The following ARHGEF26 variants were observed in gnomAD, a reference collection of about 807,000 sequenced individuals.
ARHGEF26 encodes the protein Rho guanine nucleotide exchange factor 26, also known as Rho guanine nucleotide exchange factor (GEF) 26.
ARHGEF26 carries 59 observed loss-of-function variants against 89.4 expected under a neutral mutation model. The ratio of observed to expected loss-of-function variants is 0.66; its 90% CI spans 0.54 to 0.82. ARHGEF26 has a LOEUF of 0.82. Ranked by LOEUF, ARHGEF26 falls within the 40% of genes least tolerant of loss-of-function variation. ARHGEF26 has a pLI of 0.00. For synonymous variants in ARHGEF26, 500 were observed against 428.4 expected (o/e 1.17, Z -2.06); for missense variants, 1,234 against 1,085.6 (o/e 1.14, Z -1.92).
chr3:154,188,768 T>C, intron 7 of ARHGEF26, among the ~76,000 whole-genome samples: 1 of 152,156 alleles, frequency 6.6e-6, no homozygotes, highest in Non-Finnish European at 1.5e-5. Context: ...AGTCAAAGCC[T>C]CTAAGCTGAT....
intron 13 of ARHGEF26, 68 bp from the exon 14 acceptor site, chr3:154,254,652 T>C: frequency 1.7e-6 from 2 of 1,211,418 alleles, no homozygotes; most frequent in South Asian, 1.3e-5. Context: ...TAAGTAAGTG[T>C]ACATTATTGG....
chr3:154,122,078 T>G lies in ARHGEF26; in HGVS notation c.86T>G (p.Val29Gly), dbSNP rs200926651. ...RRRSIPQPHQVLGRSKPRPQS... is the reference protein window; with the variant it reads ...RRRSIPQPHQGLGRSKPRPQS... ...CGGTCGATTCCTCAGCCCCACCAGG[T>G]TCTGGGCCGGAGCAAGCCGAGGCCC... Residue 29 changes from valine (V) to glycine (G), a missense_variant, in exon 2 of 15, where the codon GTT (valine) becomes GGT (glycine). Coordinates refer to ENST00000465093, the MANE Select transcript of ARHGEF26 (RefSeq NM_015595.4). 1.5e-3 allele frequency: 2,346 copies of G among 1,612,422 alleles called. 31 individuals carry two copies. In the African/African-American group the frequency reaches 0.026, roughly 18 times the overall value.
chr3:154,153,978 G>A (rs1187049411), intron 6 of ARHGEF26, among the ~76,000 whole-genome samples: 2 of 151,836 alleles, frequency 1.3e-5, no homozygotes, highest in African/African-American at 2.4e-5. Context: ...TTCCCATGAG[G>A]CACATAATTT....
At chr3:154,217,189 A>G (rs1320066105) in intron 9 of ARHGEF26, among the ~76,000 whole-genome samples, 2 of 150,122 alleles carry the variant, frequency 1.3e-5, no homozygotes, top group African/African-American at 2.4e-5. Context: ...CATCCTCTCC[A>G]GCACCTGTTG....
At position 154,246,489 on chromosome 3, in the gene ARHGEF26, G is replaced by C. The variant is rs566223603; in HGVS notation, c.2300+5910G>C. ...ACATTTCTGAGGCATCAAAACTTGTGATTATTTTAACAATTAATTTATTTT... is the reference window on the plus strand; with the variant it reads ...ACATTTCTGAGGCATCAAAACTTGTCATTATTTTAACAATTAATTTATTTT... On this transcript the variant is annotated intron_variant, in intron 12 of 14. Transcript: ENST00000465093. Among the ~76,000 whole-genome samples, 5 of 152,252 alleles carry C rather than the reference G, an allele frequency of 3.3e-5. No individual in the cohort carries two copies. In the East Asian group the frequency reaches 9.7e-4, roughly 29 times the overall value.
At chr3:154,205,651 T>G (rs1299610969) in intron 9 of ARHGEF26, among the ~76,000 whole-genome samples, 1 of 152,186 alleles carries the variant, frequency 6.6e-6, no homozygotes, top group African/African-American at 2.4e-5. Context: ...TTTTTGCTTT[T>G]TATTTTTTGT....
chr3:154,201,136 A>T (rs1198416013), intron 9 of ARHGEF26, among the ~76,000 whole-genome samples: 1 of 151,800 alleles, frequency 6.6e-6, no homozygotes, highest in Non-Finnish European at 1.5e-5. Context: ...TTTATCTCCT[A>T]ATGCTATCCC....
At chr3:154,145,535 T>G (rs773746036) in intron 4 of ARHGEF26, among the ~76,000 whole-genome samples, 1 of 152,188 alleles carries the variant, frequency 6.6e-6, no homozygotes, top group African/African-American at 2.4e-5. Flanking sequence ...CTAATGTAAT[T>G]TTTAACTGGC....
At chr3:154,142,732 A>G (rs922649523) in intron 4 of ARHGEF26, among the ~76,000 whole-genome samples, 2 of 152,242 alleles carry the variant, frequency 1.3e-5, no homozygotes, top group Admixed American at 6.5e-5. Context: ...AGAGAGGAAC[A>G]TCAGACCTGT....
At chr3:154,204,425 C>T (rs1423373078) in intron 9 of ARHGEF26, among the ~76,000 whole-genome samples, 1 of 149,244 alleles carries the variant, frequency 6.7e-6, no homozygotes, top group Admixed American at 6.7e-5. Context: ...ACCTCCGCCT[C>T]CTGAGTACAG....
intron 4 of ARHGEF26, among the ~76,000 whole-genome samples, chr3:154,141,214 C>G (rs1180049399): frequency 2.6e-5 from 4 of 152,134 alleles, no homozygotes; most frequent in African/African-American, 9.7e-5. Context: ...TTCCGCCCGC[C>G]TCGGCCTCCC....
intron 6 of ARHGEF26, among the ~76,000 whole-genome samples, chr3:154,167,038 T>C (rs1239383004): frequency 6.6e-6 from 1 of 152,186 alleles, no homozygotes; most frequent in Non-Finnish European, 1.5e-5. Flanking sequence ...TATAATTTTT[T>C]AAAATCTTTG....
chr3:154,185,031 T>C (rs1293605390), intron 6 of ARHGEF26, among the ~76,000 whole-genome samples: 1 of 152,160 alleles, frequency 6.6e-6, no homozygotes, highest in African/African-American at 2.4e-5. Flanking sequence ...CATGTCATCC[T>C]TCGCACTGAT....
chr3:154,135,703 A>G (rs921709267), intron 4 of ARHGEF26, among the ~76,000 whole-genome samples: 2 of 152,198 alleles, frequency 1.3e-5, no homozygotes, highest in Non-Finnish European at 2.9e-5. Flanking sequence ...TTAGTCAGGG[A>G]TGGAACACTG....
chr3:154,181,365 CCTT>C (rs1713172644), intron 6 of ARHGEF26, among the ~76,000 whole-genome samples: 1 of 152,080 alleles, frequency 6.6e-6, no homozygotes, highest in African/African-American at 2.4e-5. Flanking sequence ...GTGAATATGA[CCTT>C]CTCTGGTAGG....
At chr3:154,243,899 T>C (rs1717630934) in intron 12 of ARHGEF26, among the ~76,000 whole-genome samples, 1 of 152,376 alleles carries the variant, frequency 6.6e-6, no homozygotes, top group Non-Finnish European at 1.5e-5. Flanking sequence ...AATTGTTACA[T>C]GCCATGTTTG....
intron 11 of ARHGEF26, among the ~76,000 whole-genome samples, chr3:154,226,973 C>T (rs974807419): frequency 6.6e-6 from 1 of 152,148 alleles, no homozygotes; most frequent in Non-Finnish European, 1.5e-5. Context: ...CCAAATGTAT[C>T]AGGCATATTT....
intron 11 of ARHGEF26, among the ~76,000 whole-genome samples, chr3:154,227,112 T>C (rs1372441298): frequency 6.6e-6 from 1 of 152,154 alleles, no homozygotes; most frequent in Non-Finnish European, 1.5e-5. Flanking sequence ...TGAGTGGCTG[T>C]CTAGCTGAAA....
rs1451428399 is a variant in ARHGEF26, at chr3:154,213,214, A to AGTGT, written c.1846-4654_1846-4653insTGTG. Among the ~76,000 whole-genome samples the AGTGT allele has an allele frequency of 6.8e-4, 92 of 136,042 alleles. 1 individual carries two copies. Among genetic ancestry groups the AGTGT allele is most frequent in the African/African-American group, 2.4e-3 (85 of 35,702 alleles). 89.2% of individuals were successfully genotyped at this position (136,042 alleles called of 152,430 possible). On this transcript the variant is annotated intron_variant, in intron 9 of 14. Transcript: ENST00000465093. ...TTACGAGTAACATAGAGAGAGAGAG[A>AGTGT]GAGTGTGTGTGTGTGTGTGTGTGTG...
Sources: allele counts gnomAD v4.1 joint callset (sites outside exome capture counted in the v4.1 genomes callset), GRCh38; gene constraint gnomAD v4.1.1; transcripts MANE v1.5; gene names NCBI Gene and HGNC (gene_info 2026-07-23, HGNC 2026-07-21).